The following BAIAP2L1 variants were observed in gnomAD, a reference collection of about 807,000 sequenced individuals.
BAIAP2L1 encodes BAR/IMD domain containing adaptor protein 2 like 1.
Under a neutral mutation model 66.3 loss-of-function variants are expected in BAIAP2L1, and 35 were observed. The observed-to-expected ratio is 0.53, with a 90% CI of 0.40 to 0.70. BAIAP2L1 has a LOEUF of 0.70. BAIAP2L1 is among the 30% of genes least tolerant of loss of function. The probability of loss-of-function intolerance (pLI) is 0.00; values close to 1 mark genes in which losing one functional copy is unlikely to be tolerated. For synonymous variants in BAIAP2L1, 269 were observed against 248.7 expected (o/e 1.08, Z -0.77); for missense variants, 622 against 656.9 (o/e 0.95, Z 0.58).
At chr7:98,399,604 C>T (rs530476786) in intron 1 of BAIAP2L1, among the ~76,000 whole-genome samples, 1 of 152,214 alleles carries the variant, frequency 6.6e-6, no homozygotes, top group South Asian at 2.1e-4. Context: ...ACTTAGAGAA[C>T]GTTAAAGTTT....
At chr7:98,321,879 C>T (rs1259270250) in intron 3 of BAIAP2L1, among the ~76,000 whole-genome samples, 5 of 152,148 alleles carry the variant, frequency 3.3e-5, no homozygotes, top group African/African-American at 4.8e-5. Flanking sequence ...GGGAGTATCA[C>T]GAGGTAAGGA....
chr7:98,311,832 G>C (rs1446963377), intron 8 of BAIAP2L1, among the ~76,000 whole-genome samples: 1 of 152,086 alleles, frequency 6.6e-6, no homozygotes, highest in Non-Finnish European at 1.5e-5. Flanking sequence ...CTTGAACCCG[G>C]GAGGTGGAGG....
chr7:98,388,321 G>T (rs1178062022), intron 1 of BAIAP2L1, among the ~76,000 whole-genome samples: 1 of 152,180 alleles, frequency 6.6e-6, no homozygotes, highest in East Asian at 1.9e-4. Context: ...AGCTGAAGAA[G>T]CCTTCTCAGA....
At chr7:98,362,686 G>A (rs1407840887) in intron 1 of BAIAP2L1, among the ~76,000 whole-genome samples, 2 of 152,114 alleles carry the variant, frequency 1.3e-5, no homozygotes, top group Admixed American at 6.6e-5. Context: ...TGCTATAAGC[G>A]GAGCAGGCAG....
intron 6 of BAIAP2L1, among the ~76,000 whole-genome samples, chr7:98,316,956 C>G (rs761166874): frequency 3.1e-5 from 4 of 128,406 alleles, no homozygotes; most frequent in African/African-American, 5.8e-5. Flanking sequence ...CTCTGCCTCC[C>G]AAGTTCAAGC....
At chr7:98,365,305 T>C (rs1320088944) in intron 1 of BAIAP2L1, among the ~76,000 whole-genome samples, 1 of 152,216 alleles carries the variant, frequency 6.6e-6, no homozygotes, top group Non-Finnish European at 1.5e-5. Flanking sequence ...TGATGAAGAT[T>C]TTATATATCC....
intron 1 of BAIAP2L1, among the ~76,000 whole-genome samples, chr7:98,394,713 C>A (rs1803158778): frequency 6.6e-6 from 1 of 152,216 alleles, no homozygotes; most frequent in Non-Finnish European, 1.5e-5. Context: ...TAATACTCAG[C>A]CAGTCTGCTC....
chr7:98,354,911 C>T (rs1034857733), intron 3 of BAIAP2L1, 131 bp downstream of exon 3: 6 of 694,616 alleles, frequency 8.6e-6, no homozygotes, highest in South Asian at 1.7e-5. Flanking sequence ...TTCCACAGAC[C>T]GCGGTGAAGT....
chr7:98,400,742 C>G lies in BAIAP2L1; in HGVS notation c.51+60G>C. The G allele has an allele frequency of 4.6e-6, 7 of 1,529,154 alleles. No homozygotes were observed. In the South Asian group the frequency reaches 8.4e-5, roughly 18 times the overall value. 94.7% of individuals were successfully genotyped at this position (1,529,154 alleles called of 1,614,324 possible). A position where few individuals can be genotyped will look rare whatever the true frequency, so the allele number is the denominator to read the frequency against. On this transcript the variant is annotated intron_variant, in intron 1 of 13. Coordinates refer to ENST00000005260, the MANE Select transcript of BAIAP2L1 (RefSeq NM_018842.5). ...GGAAAGTACCTTCCCGCGTAAAGTC[C>G]CCTTCTGAACCCCGAGGTGGAAAGC... is the stretch of plus-strand genomic sequence containing the variant.
chr7:98,372,227 G>A (rs1210977691), intron 1 of BAIAP2L1, among the ~76,000 whole-genome samples: 1 of 152,006 alleles, frequency 6.6e-6, no homozygotes, highest in Non-Finnish European at 1.5e-5. Flanking sequence ...GCAACATAGT[G>A]AAACCCCCTC....
Position 98,292,957 on chromosome 7 carries a change from A to T in BAIAP2L1, c.*564T>A. 8.1e-7 allele frequency: 1 copy of T among 1,227,788 alleles called. No homozygotes were observed. The highest frequency in any genetic ancestry group is 1.0e-6 in the Non-Finnish European group (1 of 982,858). The allele number at this position is 1,227,788 out of a possible 1,614,324, so 76.1% of individuals were successfully genotyped here. Reference sequence around the variant, plus strand: ...CACTCTACAGCTCTGGCGTGGTTGGAGGGAGGGTGGGGGTTTCTCCATCTC... The same window carrying T: ...CACTCTACAGCTCTGGCGTGGTTGGTGGGAGGGTGGGGGTTTCTCCATCTC... On this transcript the variant is annotated 3_prime_UTR_variant, in exon 14 of 14. Transcript: ENST00000005260.
intron 3 of BAIAP2L1, among the ~76,000 whole-genome samples, chr7:98,349,386 C>T (rs1038182986): frequency 1.3e-5 from 2 of 152,126 alleles, no homozygotes; most frequent in East Asian, 3.9e-4. Flanking sequence ...GGCACAAGAG[C>T]GGAGCAATAC....
chr7:98,342,010 A>T (rs1801750702), intron 3 of BAIAP2L1, among the ~76,000 whole-genome samples: 1 of 146,180 alleles, frequency 6.8e-6, no homozygotes, highest in African/African-American at 2.5e-5. Context: ...AATTAGTAAC[A>T]TTTCAAAAAT....
chr7:98,319,841 G>A (rs1801194360), intron 5 of BAIAP2L1, among the ~76,000 whole-genome samples: 1 of 152,100 alleles, frequency 6.6e-6, no homozygotes, highest in South Asian at 2.1e-4. Context: ...ATGAGCCACC[G>A]CACCTGGCCC....
chr7:98,388,161 A>G (rs1802942307), intron 1 of BAIAP2L1, among the ~76,000 whole-genome samples: 1 of 152,198 alleles, frequency 6.6e-6, no homozygotes, highest in Non-Finnish European at 1.5e-5. Context: ...TGCTATTCTA[A>G]GAGCTTTCAT....
Position 98,305,987 on chromosome 7 carries a change from T to C in BAIAP2L1, c.1241+452A>G, listed in dbSNP as rs191746649. Among the ~76,000 whole-genome samples the C allele has an allele frequency of 7.2e-5, 11 of 152,094 alleles. No homozygotes were observed. The East Asian group carries it at 1.5e-3, about 21-fold the overall frequency. ...GACTCCCAAGAACACTGATGTTTAA[T>C]TGATGGGCAGAAGAGGGGTGCAAAG... On this transcript the variant is annotated intron_variant, in intron 11 of 13. Transcript: ENST00000005260.
intron 1 of BAIAP2L1, among the ~76,000 whole-genome samples, chr7:98,391,102 A>G (rs1258993910): frequency 6.6e-6 from 1 of 150,704 alleles, no homozygotes; most frequent in East Asian, 2.0e-4. Context: ...TCGGCCTCCC[A>G]AAGTGCTGGG....
chr7:98,303,923 A>T (rs1259631464), intron 12 of BAIAP2L1, among the ~76,000 whole-genome samples: 1 of 152,234 alleles, frequency 6.6e-6, no homozygotes, highest in Non-Finnish European at 1.5e-5. Flanking sequence ...AACCTAATAA[A>T]ATCTAGCAAA....
intron 1 of BAIAP2L1, among the ~76,000 whole-genome samples, chr7:98,374,769 AT>A (rs1165271746): frequency 3.9e-5 from 6 of 152,178 alleles, no homozygotes; most frequent in African/African-American, 9.6e-5. Flanking sequence ...CATAAAAAAA[AT>A]AAAATAAAAT....
Sources: gnomAD v4.1 joint callset for allele counts (sites outside exome capture counted in the v4.1 genomes callset) on GRCh38, gnomAD v4.1.1 for gene constraint, MANE v1.5 for transcripts, NCBI Gene and HGNC (gene_info 2026-07-23, HGNC 2026-07-21) for gene names.